CTNND2: variants seen among roughly 807,000 people sequenced by gnomAD.
The protein encoded by CTNND2 is catenin delta-2.
Under a neutral mutation model 144.4 loss-of-function variants are expected in CTNND2, and 22 were observed. The observed-to-expected ratio is 0.15, with a 90% CI of 0.11 to 0.22. The LOEUF is 0.22. CTNND2 is among the 10% of genes least tolerant of loss of function. CTNND2 has a pLI of 1.00. For synonymous variants in CTNND2, 751 were observed against 695.6 expected, an observed-to-expected ratio of 1.08 and a Z score of -1.25; for missense variants, 1,353 against 1,618.8, an observed-to-expected ratio of 0.84 and a Z score of 2.82.
rs1240124982 is a variant in CTNND2, at chr5:11,070,901, T to G, written c.2788+11795A>C. On this transcript the variant is annotated intron_variant, in intron 16 of 21. Transcript: ENST00000304623. ...AGGAAGAAATGAAGAGGACGTGAAATAAAATGGAGGAGAGGTCTTAGATAT... is the reference window on the plus strand; with the variant it reads ...AGGAAGAAATGAAGAGGACGTGAAAGAAAATGGAGGAGAGGTCTTAGATAT... Among the ~76,000 whole-genome samples, 4 of 150,038 alleles carry G rather than the reference T, an allele frequency of 2.7e-5. No homozygotes were observed. The East Asian group carries it at 7.9e-4, about 30-fold the overall frequency.
intron 3 of CTNND2, among the ~76,000 whole-genome samples, chr5:11,561,954 G>A (rs559264839): frequency 2.0e-5 from 3 of 152,170 alleles, no homozygotes; most frequent in African/African-American, 4.8e-5. Context: ...GCTGAGGCAG[G>A]AGAATCCCTT....
chr5:11,802,374 C>T (rs1287827379), intron 1 of CTNND2, among the ~76,000 whole-genome samples: 3 of 151,954 alleles, frequency 2.0e-5, no homozygotes, highest in Non-Finnish European at 4.4e-5. Flanking sequence ...TTGAAACCAG[C>T]CTGACCAACA....
chr5:11,422,833 T>G (rs1762478524), intron 3 of CTNND2, among the ~76,000 whole-genome samples: 1 of 152,180 alleles, frequency 6.6e-6, no homozygotes, highest in South Asian at 2.1e-4. Context: ...TCATTGTACT[T>G]ATATTACAAG....
At chr5:11,059,766 A>C (rs114479551) in intron 16 of CTNND2, among the ~76,000 whole-genome samples, 2,133 of 152,302 alleles carry the variant, frequency 0.014, 54 homozygotes, top group African/African-American at 0.049. Flanking sequence ...TAAGATTAAA[A>C]AATCATTCAC....
At chr5:11,672,310 G>C (rs1783913848) in intron 2 of CTNND2, among the ~76,000 whole-genome samples, 1 of 152,224 alleles carries the variant, frequency 6.6e-6, no homozygotes, top group Non-Finnish European at 1.5e-5. Flanking sequence ...CTCAAATGCT[G>C]TGCTGGGAGA....
At chr5:11,204,742 T>C (rs1020209965) in intron 10 of CTNND2, among the ~76,000 whole-genome samples, 1 of 152,136 alleles carries the variant, frequency 6.6e-6, no homozygotes, top group Non-Finnish European at 1.5e-5. Flanking sequence ...ATGATAATGA[T>C]GATGTATAGT....
intron 3 of CTNND2, among the ~76,000 whole-genome samples, chr5:11,472,275 T>A (rs1178805344): frequency 6.6e-6 from 1 of 152,224 alleles, no homozygotes; most frequent in Admixed American, 6.5e-5. Context: ...TCAATAAAAT[T>A]ATCTCAAGCC....
chr5:11,122,294 G>GCA (rs1754224576), intron 12 of CTNND2, among the ~76,000 whole-genome samples: 1 of 151,412 alleles, frequency 6.6e-6, no homozygotes, highest in East Asian at 1.9e-4. Context: ...ATACAGCATC[G>GCA]CAAGTAAAAT....
chr5:11,059,997 G>A (rs986710221), intron 16 of CTNND2, among the ~76,000 whole-genome samples: 1 of 152,104 alleles, frequency 6.6e-6, no homozygotes, highest in African/African-American at 2.4e-5. Flanking sequence ...GCAAAATAAG[G>A]AGAGCTTGAC....
chr5:11,410,874 A>AT (rs75920355), intron 5 of CTNND2, among the ~76,000 whole-genome samples: 1,830 of 143,768 alleles, frequency 0.013, 54 homozygotes, highest in East Asian at 0.091. Flanking sequence ...CTGATAGGTA[A>AT]TTTTTTTTTT....
chr5:11,284,631 T>C (rs1199851869), intron 9 of CTNND2, among the ~76,000 whole-genome samples: 1 of 152,214 alleles, frequency 6.6e-6, no homozygotes, highest in Non-Finnish European at 1.5e-5. Context: ...CTATGGTGTA[T>C]ATGTACCACA....
chr5:11,108,811 C>T (rs1752670809), intron 14 of CTNND2, among the ~76,000 whole-genome samples: 2 of 152,276 alleles, frequency 1.3e-5, no homozygotes, highest in Non-Finnish European at 2.9e-5. Context: ...GTCCCGTCAC[C>T]TCCAAACCAC....
At chr5:11,430,604 G>A (rs967678747) in intron 3 of CTNND2, among the ~76,000 whole-genome samples, 1 of 152,108 alleles carries the variant, frequency 6.6e-6, no homozygotes, top group African/African-American at 2.4e-5. Context: ...TAGAGAAACT[G>A]GACTTAGAAT....
intron 16 of CTNND2, among the ~76,000 whole-genome samples, chr5:11,044,914 C>T (rs965508185): frequency 2.0e-5 from 3 of 152,220 alleles, no homozygotes; most frequent in African/African-American, 7.2e-5. Flanking sequence ...CCACTGGGGA[C>T]CCTGAGGGCC....
At chr5:11,167,341 T>C (rs1201220963) in intron 11 of CTNND2, among the ~76,000 whole-genome samples, 2 of 152,212 alleles carry the variant, frequency 1.3e-5, no homozygotes, top group African/African-American at 2.4e-5. Context: ...TTAGGTAGAA[T>C]TATTCTTGCT....
intron 3 of CTNND2, among the ~76,000 whole-genome samples, chr5:11,431,085 C>G (rs1763247677): frequency 6.6e-6 from 1 of 152,130 alleles, no homozygotes; most frequent in South Asian, 2.1e-4. Flanking sequence ...TCATATCGGG[C>G]AGCTATTCTT....
chr5:11,732,794 A>T (rs370090667), intron 1 of CTNND2, among the ~76,000 whole-genome samples: 1 of 151,844 alleles, frequency 6.6e-6, no homozygotes, highest in African/African-American at 2.4e-5. Context: ...AATCTCTCTG[A>T]CCTTCCCCTG....
chr5:11,347,485 T>C (rs988067316), intron 8 of CTNND2, among the ~76,000 whole-genome samples: 1 of 152,248 alleles, frequency 6.6e-6, no homozygotes, highest in Non-Finnish European at 1.5e-5. Flanking sequence ...TTAGATCCTT[T>C]CATGTCATTA....
chr5:11,221,338 A>G (rs1187955972), intron 10 of CTNND2, among the ~76,000 whole-genome samples: 3 of 152,166 alleles, frequency 2.0e-5, no homozygotes, highest in Non-Finnish European at 2.9e-5. Context: ...TGTGTTAACT[A>G]TTTCCAAGAT....
Sources: allele counts gnomAD v4.1 joint callset (sites outside exome capture counted in the v4.1 genomes callset), GRCh38; gene constraint gnomAD v4.1.1; transcripts MANE v1.5; gene names NCBI Gene and HGNC (gene_info 2026-07-23, HGNC 2026-07-21).